DPH7: variants seen among roughly 807,000 people sequenced by gnomAD.
DPH7 encodes diphthine methyltransferase.
In DPH7, 44 loss-of-function variants were observed where a neutral mutation model predicts 41.7. The ratio of observed to expected loss-of-function variants is 1.05; its 90% CI spans 0.83 to 1.36. The LOEUF is 1.36. Ranked by LOEUF, DPH7 falls within the 40% of genes most tolerant of loss-of-function variation. The pLI, the probability that DPH7 is intolerant of heterozygous loss-of-function variation, is 0.00. For missense variants in DPH7, 629 were observed against 577.5 expected (o/e 1.09, Z -0.91); for synonymous variants, 275 against 238.0 (o/e 1.16, Z -1.43).
intron 5 of DPH7, among the ~76,000 whole-genome samples, chr9:137,573,019 C>T (rs1019985814): frequency 2.0e-5 from 3 of 152,208 alleles, no homozygotes; most frequent in East Asian, 1.9e-4. Context: ...CCCTGGCCAA[C>T]ACCACCCAAG....
intron 3 of DPH7, 143 bp from the exon 4 acceptor site, chr9:137,574,986 C>T: frequency 6.9e-7 from 1 of 1,452,242 alleles, no homozygotes; most frequent in Non-Finnish European, 9.1e-7. Flanking sequence ...GTCACACCTC[C>T]ACCTAACACT....
At chr9:137,564,314 G>T in intron 8 of DPH7, 120 bp downstream of exon 8, 1 of 1,293,380 alleles carries the variant, frequency 7.7e-7, no homozygotes. Context: ...GTGTGTAAAA[G>T]CTGAGGGAAG....
At chr9:137,578,517 C>G in intron 1 of DPH7, 108 bp downstream of exon 1, 1 of 1,253,544 alleles carries the variant, frequency 8.0e-7, no homozygotes, top group South Asian at 1.7e-5. Flanking sequence ...TACCTCCTGG[C>G]CAAAGGGCCA....
At position 137,565,066 on chromosome 9, in the gene DPH7, C is replaced by G; in HGVS notation, c.710+19G>C. 1 of 1,613,930 alleles carries G rather than the reference C, an allele frequency of 6.2e-7. No individual in the cohort carries two copies. Among genetic ancestry groups the G allele is most frequent in the African/African-American group, 1.3e-5 (1 of 75,056 alleles). On this transcript the variant is annotated intron_variant, in intron 6 of 8. Coordinates refer to ENST00000277540, the MANE Select transcript of DPH7 (RefSeq NM_138778.5). The stretch of plus-strand genomic sequence containing the variant: ...CGGGGGCTGGTGTGGGCACCGAGTG[C>G]TGGCCCTTGGGCAGTTACCTTTTGC...
At chr9:137,572,124 G>A (rs1417954133) in intron 5 of DPH7, among the ~76,000 whole-genome samples, 6 of 152,178 alleles carry the variant, frequency 3.9e-5, no homozygotes, top group South Asian at 2.1e-4. Context: ...CGTGAGCCAC[G>A]GCGGAGGTGA....
chr9:137,574,622 T>C, intron 4 of DPH7, 130 bp downstream of exon 4: 1 of 935,714 alleles, frequency 1.1e-6, no homozygotes, highest in Admixed American at 2.3e-5. Flanking sequence ...ATAATAGGAC[T>C]GGCAGTGATG....
At chr9:137,561,456 C>T (rs565302143) in intron 8 of DPH7, among the ~76,000 whole-genome samples, 5 of 147,014 alleles carry the variant, frequency 3.4e-5, no homozygotes, top group South Asian at 4.4e-4. Context: ...AGGAGAATGG[C>T]GGCGTGAACC....
At chr9:137,561,671 T>G (rs1320437994) in intron 8 of DPH7, among the ~76,000 whole-genome samples, 1 of 151,114 alleles carries the variant, frequency 6.6e-6, no homozygotes, top group Non-Finnish European at 1.5e-5. Context: ...CAGACAAAAC[T>G]GACTTTAAAA....
chr9:137,573,262 G>A (rs959092041), intron 5 of DPH7, among the ~76,000 whole-genome samples: 15 of 150,514 alleles, frequency 1.0e-4, no homozygotes, highest in Non-Finnish European at 1.6e-4. Flanking sequence ...TCGGGAGGCT[G>A]AGGCAGGAGA....
At chr9:137,564,019 G>A (rs1432343985) in intron 8 of DPH7, among the ~76,000 whole-genome samples, 1 of 152,162 alleles carries the variant, frequency 6.6e-6, no homozygotes, top group Non-Finnish European at 1.5e-5. Context: ...TGTGAGAAAG[G>A]GATGAAGGGA....
At chr9:137,558,202 ACT>A (rs1341693898) in intron 8 of DPH7, among the ~76,000 whole-genome samples, 1 of 151,972 alleles carries the variant, frequency 6.6e-6, no homozygotes, top group Admixed American at 6.6e-5. Flanking sequence ...GGAATGTTGA[ACT>A]CTCAGACCTG....
chr9:137,564,328 C>T, intron 8 of DPH7, 106 bp downstream of exon 8: 1 of 1,393,480 alleles, frequency 7.2e-7, no homozygotes, highest in South Asian at 1.4e-5. Context: ...AGGGAAGAGC[C>T]CAGCAGAGCA....
At chr9:137,558,519 T>C (rs180915269) in intron 8 of DPH7, among the ~76,000 whole-genome samples, 2 of 152,318 alleles carry the variant, frequency 1.3e-5, no homozygotes, top group East Asian at 1.9e-4. Flanking sequence ...TTCTGACACA[T>C]GCTCCAACAG....
At position 137,570,663 on chromosome 9, in the gene DPH7, G is replaced by C. The variant is rs186263718; in HGVS notation, c.640+3545C>G. 7.9e-5 allele frequency among the ~76,000 whole-genome samples: 12 copies of C among 152,246 alleles called. No homozygotes were observed. In the East Asian group the frequency reaches 2.3e-3, roughly 29 times the overall value. Reference sequence around the variant, plus strand: ...ACAAAGTCCTTCCTGGAGCCTGCACGGCCCTGTGCCCTGGCCCATTACCTC... The same window carrying C: ...ACAAAGTCCTTCCTGGAGCCTGCACCGCCCTGTGCCCTGGCCCATTACCTC... On this transcript the variant is annotated intron_variant, in intron 5 of 8. Transcript: ENST00000277540.
intron 8 of DPH7, among the ~76,000 whole-genome samples, chr9:137,560,919 G>T (rs983489972): frequency 2.6e-5 from 4 of 151,072 alleles, no homozygotes; most frequent in African/African-American, 9.7e-5. Flanking sequence ...CTACTCAGGA[G>T]GCTGAGGCAG....
rs1311654422 is a variant in DPH7, at chr9:137,555,231, T to G, written c.*8A>C. 1 of 1,578,106 alleles carries G rather than the reference T, an allele frequency of 6.3e-7. No homozygotes were observed. Among genetic ancestry groups the G allele is most frequent in the East Asian group, 2.2e-5 (1 of 44,492 alleles). On this transcript the variant is annotated 3_prime_UTR_variant, in exon 9 of 9. Coordinates refer to ENST00000277540, the MANE Select transcript of DPH7 (RefSeq NM_138778.5). ...TTCCTTGTGGGAAGGGGCTTCATGA[T>G]TTCAAGCTCAGTTCCCCTCCCACTC... is the stretch of plus-strand genomic sequence containing the variant.
intron 8 of DPH7, among the ~76,000 whole-genome samples, chr9:137,559,458 C>G (rs985423201): frequency 6.6e-6 from 1 of 152,204 alleles, no homozygotes; most frequent in African/African-American, 2.4e-5. Flanking sequence ...GCTCCTCCAC[C>G]TCTTGTGGAG....
At position 137,578,605 on chromosome 9, in the gene DPH7, C is replaced by A; in HGVS notation, c.153+20G>T. The A allele has an allele frequency of 6.8e-7, 1 of 1,465,542 alleles. No individual in the cohort carries two copies. The highest frequency in any genetic ancestry group is 1.3e-5 in the South Asian group (1 of 74,904). 90.8% of individuals were successfully genotyped at this position (1,465,542 alleles called of 1,614,324 possible). On this transcript the variant is annotated intron_variant, in intron 1 of 8. Coordinates refer to ENST00000277540, the MANE Select transcript of DPH7 (RefSeq NM_138778.5). ...CGTGGCCGGCCCCGCCCTCCCCTCC[C>A]GAAGCCGCGGCGCGCGCACCTTGTT...
At chr9:137,564,770 T>G in intron 7 of DPH7, 123 bp downstream of exon 7, 1 of 1,429,694 alleles carries the variant, frequency 7.0e-7, no homozygotes. Flanking sequence ...GGCGAAGCAC[T>G]GGCAGACGAA....
Sources: allele counts gnomAD v4.1 joint callset (sites outside exome capture counted in the v4.1 genomes callset), GRCh38; gene constraint gnomAD v4.1.1; transcripts MANE v1.5; gene names NCBI Gene and HGNC (gene_info 2026-07-23, HGNC 2026-07-21).